TEX2: variants seen among roughly 807,000 people sequenced by gnomAD.
TEX2 encodes the protein testis expressed 2, also known as testis-expressed protein 2.
In TEX2, 53 loss-of-function variants were observed where a neutral mutation model predicts 106.9. The ratio of observed to expected loss-of-function variants is 0.50; its 90% CI spans 0.40 to 0.62. TEX2 has a LOEUF of 0.62. TEX2 is among the 20% of genes least tolerant of loss of function. The pLI is 0.00. For missense variants in TEX2, 1,207 were observed against 1,379.0 expected (o/e 0.88, Z 1.98); for synonymous variants, 523 against 534.8 (o/e 0.98, Z 0.30).
intron 5 of TEX2, among the ~76,000 whole-genome samples, chr17:64,179,558 G>A (rs775438430): frequency 6.6e-6 from 1 of 152,100 alleles, no homozygotes; most frequent in Non-Finnish European, 1.5e-5. Context: ...ATGAAGGTCC[G>A]AGACTTCATT....
chr17:64,258,327 A>G (rs916428992), intron 1 of TEX2, among the ~76,000 whole-genome samples: 1 of 152,210 alleles, frequency 6.6e-6, no homozygotes, highest in Non-Finnish European at 1.5e-5. Flanking sequence ...TATACGGTTC[A>G]GCACTATCCA....
At chr17:64,208,147 G>A (rs1414491446) in intron 2 of TEX2, among the ~76,000 whole-genome samples, 2 of 152,206 alleles carry the variant, frequency 1.3e-5, no homozygotes, top group Non-Finnish European at 2.9e-5. Flanking sequence ...CAAATGTCAA[G>A]CTTCAAATCC....
At chr17:64,175,470 T>C (rs879927977) in intron 6 of TEX2, among the ~76,000 whole-genome samples, 5 of 152,190 alleles carry the variant, frequency 3.3e-5, no homozygotes, top group Admixed American at 6.5e-5. Context: ...GAAAACAGAC[T>C]TTCCCTCAAC....
chr17:64,233,726 G>A (rs1045211396), intron 1 of TEX2, among the ~76,000 whole-genome samples: 15 of 152,286 alleles, frequency 9.8e-5, no homozygotes, highest in African/African-American at 3.6e-4. Flanking sequence ...CATGTTAGAG[G>A]CAAGTGCTTT....
Position 64,148,868 on chromosome 17 carries a change from G to A in TEX2, c.*101C>T, listed in dbSNP as rs1326197141. ...GGCAGAAGCAGTCCTTTAAGAAACA[G>A]TAGCTGTGGCACAGAGGCCAGTGCT... On this transcript the variant is annotated 3_prime_UTR_variant, in exon 12 of 12. Coordinates refer to ENST00000584379, the MANE Select transcript of TEX2 (RefSeq NM_001288732.2). The A allele has an allele frequency of 1.1e-5, 16 of 1,456,392 alleles. No individual in the cohort carries two copies. Among genetic ancestry groups the A allele is most frequent in the Non-Finnish European group, 1.5e-5 (16 of 1,067,258 alleles). 90.2% of individuals were successfully genotyped at this position (1,456,392 alleles called of 1,614,324 possible).
intron 1 of TEX2, among the ~76,000 whole-genome samples, chr17:64,253,151 A>G (rs2034122364): frequency 6.6e-6 from 1 of 151,974 alleles, no homozygotes; most frequent in South Asian, 2.1e-4. Flanking sequence ...AGAATTATTT[A>G]TTATTTATTT....
intron 5 of TEX2, among the ~76,000 whole-genome samples, chr17:64,179,463 G>A (rs1368894066): frequency 6.6e-6 from 1 of 152,220 alleles, no homozygotes; most frequent in African/African-American, 2.4e-5. Flanking sequence ...CAGTGTGGAA[G>A]CTTTGTACTT....
intron 1 of TEX2, among the ~76,000 whole-genome samples, chr17:64,243,328 A>G (rs2033925271): frequency 6.6e-6 from 1 of 152,338 alleles, no homozygotes; most frequent in East Asian, 1.9e-4. Flanking sequence ...CTCTCAGGGG[A>G]AAAAAGCATA....
chr17:64,227,686 A>G (rs2033544459), intron 1 of TEX2, among the ~76,000 whole-genome samples: 1 of 152,190 alleles, frequency 6.6e-6, no homozygotes, highest in East Asian at 1.9e-4. Flanking sequence ...CACTGAAGTA[A>G]TCTATCATTA....
In TEX2 at chr17:64,177,511, C is replaced by A. The variant is rs781394420; in HGVS notation, c.2425-40G>T. 3.1e-6 allele frequency: 5 copies of A among 1,605,100 alleles called. No homozygotes were observed. In the South Asian group the frequency reaches 5.5e-5, roughly 18 times the overall value. On this transcript the variant is annotated intron_variant, in intron 5 of 11. Coordinates refer to ENST00000584379, the MANE Select transcript of TEX2 (RefSeq NM_001288732.2). ...GGGACCAAAATTAGCTAGAAAGCAACTGGAGAATAAGACAGGTGCTTATTT... is the reference window on the plus strand; with the variant it reads ...GGGACCAAAATTAGCTAGAAAGCAAATGGAGAATAAGACAGGTGCTTATTT...
chr17:64,157,865 C>G (rs1244041138), intron 8 of TEX2, among the ~76,000 whole-genome samples: 1 of 152,170 alleles, frequency 6.6e-6, no homozygotes, highest in Non-Finnish European at 1.5e-5. Context: ...GGGACTTGTA[C>G]AAAGGGCCCA....
At chr17:64,239,582 G>A (rs2033842245) in intron 1 of TEX2, among the ~76,000 whole-genome samples, 1 of 152,066 alleles carries the variant, frequency 6.6e-6, no homozygotes, top group South Asian at 2.1e-4. Flanking sequence ...ATTTTCTTAA[G>A]GAAATAATGC....
intron 7 of TEX2, among the ~76,000 whole-genome samples, chr17:64,162,963 C>T (rs2030955596): frequency 6.6e-6 from 1 of 152,162 alleles, no homozygotes; most frequent in Admixed American, 6.6e-5. Context: ...TACTGGTCAG[C>T]CATGGAGCCT....
chr17:64,226,453 T>C (rs1412967709), intron 1 of TEX2, among the ~76,000 whole-genome samples: 1 of 151,978 alleles, frequency 6.6e-6, no homozygotes, highest in Non-Finnish European at 1.5e-5. Flanking sequence ...ATCATGTTTT[T>C]AACTTTCATG....
rs782713537 is a variant in TEX2 at position 64,213,959 on chromosome 17, C to T, written c.259G>A (p.Gly87Ser). 19 of 1,614,032 alleles carry T rather than the reference C, an allele frequency of 1.2e-5. No individual in the cohort carries two copies. The highest frequency in any genetic ancestry group is 5.5e-5 in the South Asian group (5 of 91,082). ...LEPQVGHDPA[G>S]PAASPVLADG... ...GCCAGGACAGGCGAGGCAGCAGGGC[C>T]GGCGGGGTCATGGCCAACTTGGGGT... is the stretch of plus-strand genomic sequence containing the variant. Residue 87 changes from glycine (G) to serine (S), a missense_variant, in exon 2 of 12, where the codon GGC becomes AGC. This residue lies in a region of TEX2 where 1,067 missense variants were observed against 1,193.6 expected (regional missense o/e 0.89). Transcript: ENST00000584379. This position sits in a 1 kb window ranked among gnomAD's most constrained non-coding sequence, Gnocchi z 4.4.
intron 7 of TEX2, among the ~76,000 whole-genome samples, chr17:64,162,036 A>C (rs1029515311): frequency 6.6e-6 from 1 of 152,154 alleles, no homozygotes; most frequent in African/African-American, 2.4e-5. Flanking sequence ...TCCTCACTAA[A>C]GGCAGGATGA....
intron 1 of TEX2, among the ~76,000 whole-genome samples, chr17:64,235,699 C>A (rs1555635059): frequency 6.6e-6 from 1 of 152,160 alleles, no homozygotes; most frequent in Non-Finnish European, 1.5e-5. Flanking sequence ...CAAAAAGAAA[C>A]CAGCAGGCCT....
At chr17:64,219,058 A>C (rs902324322) in intron 1 of TEX2, among the ~76,000 whole-genome samples, 2 of 152,152 alleles carry the variant, frequency 1.3e-5, no homozygotes, top group African/African-American at 4.8e-5. Context: ...AATACAATGA[A>C]TGGTAAGCAC....
At chr17:64,171,627 C>T (rs2031403717) in intron 6 of TEX2, among the ~76,000 whole-genome samples, 3 of 152,172 alleles carry the variant, frequency 2.0e-5, no homozygotes, top group South Asian at 4.2e-4. Flanking sequence ...CAGTACCCCA[C>T]ATTTGCTGAA....
Sources: gnomAD v4.1 joint callset for allele counts (sites outside exome capture counted in the v4.1 genomes callset) on GRCh38, gnomAD v4.1.1 for gene constraint, gnomAD v4.1.1 regional missense constraint, Gnocchi (gnomAD v3.1) non-coding constraint, MANE v1.5 for transcripts, NCBI Gene and HGNC (gene_info 2026-07-23, HGNC 2026-07-21) for gene names.